DPF3: variants seen among roughly 807,000 people sequenced by gnomAD.
The protein encoded by DPF3 is zinc finger protein DPF3.
DPF3 carries 18 observed loss-of-function variants against 56.8 expected under a neutral mutation model. The observed-to-expected ratio is 0.32, with a 90% CI of 0.22 to 0.47. The LOEUF (loss-of-function observed/expected upper bound fraction) is 0.47. DPF3 is among the 20% of genes least tolerant of loss of function. DPF3 has a pLI of 1.00. For synonymous variants in DPF3, 188 were observed against 180.2 expected, an observed-to-expected ratio of 1.04 and a Z score of -0.35; for missense variants, 403 against 488.8, an observed-to-expected ratio of 0.82 and a Z score of 1.65.
In DPF3 at chr14:72,826,932, C is replaced by T. The variant is rs1883829632; in HGVS notation, c.33-55039G>A. On this transcript the variant is annotated intron_variant, in intron 1 of 10. Coordinates refer to ENST00000556509, the MANE Select transcript of DPF3 (RefSeq NM_001280542.3). ...TGGCGCGTGCCTGTAGTCCCAGCTA[C>T]TCGGGAGGCTGAGGCAGGAGAATCG... 2.0e-5 allele frequency among the ~76,000 whole-genome samples: 3 copies of T among 152,014 alleles called. 1 individual carries two copies. In the South Asian group the frequency reaches 6.2e-4, roughly 32 times the overall value.
intron 8 of DPF3, among the ~76,000 whole-genome samples, chr14:72,673,030 C>T (rs7160830): frequency 0.54 from 82,093 of 152,024 alleles, 23,955 homozygotes; most frequent in East Asian, 0.95. Flanking sequence ...AGTAAATGAA[C>T]TGACAGAATT....
At chr14:72,628,661 A>G (rs1884980744) in intron 9 of DPF3, among the ~76,000 whole-genome samples, 1 of 152,054 alleles carries the variant, frequency 6.6e-6, no homozygotes, top group Non-Finnish European at 1.5e-5. Context: ...AGAGAGATGG[A>G]GACAGAGTTG....
At chr14:72,641,022 G>T (rs1309125893) in intron 8 of DPF3, among the ~76,000 whole-genome samples, 1 of 152,180 alleles carries the variant, frequency 6.6e-6, no homozygotes, top group Non-Finnish European at 1.5e-5. Context: ...AATGTGGTCA[G>T]AAAGGGAGAA....
rs139817194 is a variant in DPF3 at position 72,637,166 on chromosome 14, A to G, written c.872-7430T>C. Among the ~76,000 whole-genome samples, 570 of 152,340 alleles carry G rather than the reference A, an allele frequency of 3.7e-3. 7 individuals are homozygous for G. The highest frequency in any genetic ancestry group is 0.013 in the African/African-American group (541 of 41,572). ...TAAACAGCCAAGGGCTCATGGCGCCATTCTCAAATGGTCCTAGAAATTCCC... is the reference window on the plus strand; with the variant it reads ...TAAACAGCCAAGGGCTCATGGCGCCGTTCTCAAATGGTCCTAGAAATTCCC... On this transcript the variant is annotated intron_variant, in intron 8 of 10. Coordinates refer to ENST00000556509, the MANE Select transcript of DPF3 (RefSeq NM_001280542.3).
At chr14:72,858,732 A>G (rs1413557074) in intron 1 of DPF3, among the ~76,000 whole-genome samples, 1 of 152,222 alleles carries the variant, frequency 6.6e-6, no homozygotes, top group African/African-American at 2.4e-5. Context: ...TTGAACATGC[A>G]AAGTATTTCT....
At chr14:72,884,867 C>T (rs1599525137) in intron 1 of DPF3, among the ~76,000 whole-genome samples, 1 of 144,838 alleles carries the variant, frequency 6.9e-6, no homozygotes, top group African/African-American at 2.5e-5. Flanking sequence ...GAGGCCGAGG[C>T]GGGCGGATCA....
chr14:72,876,455 A>G (rs1181185567), intron 1 of DPF3, among the ~76,000 whole-genome samples: 1 of 151,976 alleles, frequency 6.6e-6, no homozygotes, highest in Non-Finnish European at 1.5e-5. Context: ...GTCTCCCCAA[A>G]CAGTGACTGC....
rs539481138 is a variant in DPF3 at position 72,832,219 on chromosome 14, T to TA, written c.33-60327dup. ...GCAACAGAGTAAGACCATGTTTCTT[T>TA]AAAAAAAATTAAAATTAAAAAATAA... On this transcript the variant is annotated intron_variant, in intron 1 of 10. Transcript: ENST00000556509. Among the ~76,000 whole-genome samples, 4 of 151,972 alleles carry TA rather than the reference T, an allele frequency of 2.6e-5. No individual in the cohort carries two copies. In the South Asian group the frequency reaches 8.3e-4, roughly 32 times the overall value.
chr14:72,734,679 A>C (rs2139862723), intron 3 of DPF3, among the ~76,000 whole-genome samples: 1 of 152,298 alleles, frequency 6.6e-6, no homozygotes, highest in East Asian at 1.9e-4. Flanking sequence ...CATCTAATTC[A>C]ATCATCTCAT....
rs990774084 is a variant in DPF3, at chr14:72,850,159, T to C, written c.32+43898A>G. On this transcript the variant is annotated intron_variant, in intron 1 of 10. Transcript: ENST00000556509. ...AGGTTTAAAGTCATTAGAGGTCATA[T>C]AAAAATGCAAATTTCAAACTTCTCT... Among the ~76,000 whole-genome samples, 4 of 151,988 alleles carry C rather than the reference T, an allele frequency of 2.6e-5. No homozygotes were observed. The East Asian group carries it at 7.7e-4, about 29-fold the overall frequency.
chr14:72,798,916 C>T (rs1892748541), intron 1 of DPF3, among the ~76,000 whole-genome samples: 1 of 152,238 alleles, frequency 6.6e-6, no homozygotes, highest in South Asian at 2.1e-4. Context: ...TCTCCTAAAG[C>T]TCCCGAAACC....
intron 6 of DPF3, among the ~76,000 whole-genome samples, chr14:72,713,661 G>A (rs148599762): frequency 2.0e-4 from 30 of 152,292 alleles, no homozygotes; most frequent in Admixed American, 3.3e-4. Flanking sequence ...AATGGTACCC[G>A]GTACAGTGAG....
At chr14:72,679,029 C>T (rs773704780) in intron 7 of DPF3, among the ~76,000 whole-genome samples, 6 of 152,338 alleles carry the variant, frequency 3.9e-5, no homozygotes, top group East Asian at 1.9e-4. Flanking sequence ...CCCATCACCA[C>T]GCTCAGGGAA....
chr14:72,739,309 G>T (rs186303400), intron 3 of DPF3, among the ~76,000 whole-genome samples: 2 of 152,120 alleles, frequency 1.3e-5, no homozygotes, highest in Admixed American at 1.3e-4. Context: ...CTGCTCTGGG[G>T]TGAACTCTCA....
At position 72,803,726 on chromosome 14, in the gene DPF3, G is replaced by A. The variant is rs115211344; in HGVS notation, c.33-31833C>T. Among the ~76,000 whole-genome samples, 1,473 of 152,290 alleles carry A rather than the reference G, an allele frequency of 9.7e-3. 28 individuals carry two copies. The highest frequency in any genetic ancestry group is 0.034 in the African/African-American group (1,398 of 41,572). On this transcript the variant is annotated intron_variant, in intron 1 of 10. Transcript: ENST00000556509. ...AGGACTAGCCTCAGAGTGAGCATCC[G>A]ATGATCGTAGGAAGACTGAATGAAT...
chr14:72,883,850 G>T (rs752023586), intron 1 of DPF3, among the ~76,000 whole-genome samples: 1 of 150,730 alleles, frequency 6.6e-6, no homozygotes, highest in Non-Finnish European at 1.5e-5. Context: ...TCACTTGAAC[G>T]TGGGAGGCAG....
intron 7 of DPF3, among the ~76,000 whole-genome samples, chr14:72,692,424 T>C (rs1051345701): frequency 3.3e-5 from 5 of 152,212 alleles, no homozygotes; most frequent in Non-Finnish European, 7.3e-5. Flanking sequence ...TAATTCATAA[T>C]TGGAAGTTGA....
intron 1 of DPF3, chr14:72,892,729 G>A: frequency 1.0e-6 from 1 of 991,030 alleles, no homozygotes; most frequent in South Asian, 4.5e-5. Flanking sequence ...CACCCGACCT[G>A]CACCTCCCTC....
chr14:72,773,166 T>C (rs1220834064), intron 1 of DPF3, among the ~76,000 whole-genome samples: 1 of 145,990 alleles, frequency 6.8e-6, no homozygotes, highest in Non-Finnish European at 1.5e-5. Flanking sequence ...GGAGTCTCAC[T>C]CCGTCGCCCA....
Sources: allele counts gnomAD v4.1 joint callset (sites outside exome capture counted in the v4.1 genomes callset), GRCh38; gene constraint gnomAD v4.1.1; transcripts MANE v1.5; gene names NCBI Gene and HGNC (gene_info 2026-07-23, HGNC 2026-07-21).